The following EIF2AK3 variants were observed in gnomAD, a reference collection of about 807,000 sequenced individuals.
EIF2AK3 encodes the protein eukaryotic translation initiation factor 2 alpha kinase 3, also known as eukaryotic translation initiation factor 2-alpha kinase 3.
In EIF2AK3, 50 loss-of-function variants were observed where a neutral mutation model predicts 113.5. The ratio of observed to expected loss-of-function variants is 0.44; its 90% CI spans 0.35 to 0.56. EIF2AK3 has a LOEUF of 0.56. EIF2AK3 is among the 20% of genes least tolerant of loss of function. The probability of loss-of-function intolerance (pLI) is 0.00; values close to 1 mark genes in which losing one functional copy is unlikely to be tolerated. For synonymous variants in EIF2AK3, 448 were observed against 495.4 expected (o/e 0.90, Z 1.27); for missense variants, 1,185 against 1,378.0 (o/e 0.86, Z 2.22).
At chr2:88,572,339 T>G (rs1674334111) in intron 13 of EIF2AK3, among the ~76,000 whole-genome samples, 1 of 152,220 alleles carries the variant, frequency 6.6e-6, no homozygotes. Flanking sequence ...AGAAGTATCT[T>G]GACTTTACTT....
chr2:88,562,218 A>T (rs1673984812), intron 15 of EIF2AK3, 71 bp downstream of exon 15: 15 of 1,310,768 alleles, frequency 1.1e-5, no homozygotes, highest in Admixed American at 1.8e-5. Flanking sequence ...CTAAGTCTTT[A>T]AAAAACTCTT....
chr2:88,569,337 A>G (rs1674227994), intron 14 of EIF2AK3, among the ~76,000 whole-genome samples: 1 of 145,234 alleles, frequency 6.9e-6, no homozygotes, highest in Non-Finnish European at 1.5e-5. Flanking sequence ...ACCCCATCTC[A>G]AAAAAAAAAA....
intron 15 of EIF2AK3, among the ~76,000 whole-genome samples, chr2:88,561,307 G>C (rs1673952869): frequency 6.6e-6 from 1 of 151,240 alleles, no homozygotes; most frequent in Non-Finnish European, 1.5e-5. Flanking sequence ...TGTCACCCAG[G>C]CTGGAGTGCA....
intron 12 of EIF2AK3, 103 bp from the exon 13 acceptor site, chr2:88,575,549 T>C: frequency 8.2e-7 from 1 of 1,215,624 alleles, no homozygotes. Flanking sequence ...ATAAGGCCAC[T>C]TACCAAATGA....
chr2:88,626,078 G>T (rs879262684), intron 1 of EIF2AK3, among the ~76,000 whole-genome samples: 1 of 152,032 alleles, frequency 6.6e-6, no homozygotes, highest in Non-Finnish European at 1.5e-5. Flanking sequence ...TATAAAATGG[G>T]ACATCACTTT....
At chr2:88,601,161 A>AT in intron 2 of EIF2AK3, among the ~76,000 whole-genome samples, 1 of 152,316 alleles carries the variant, frequency 6.6e-6, no homozygotes, top group Non-Finnish European at 1.5e-5. Flanking sequence ...ATTACATCTG[A>AT]TTCTTTTCCC....
chr2:88,582,110 C>A (rs1195592369), intron 10 of EIF2AK3, among the ~76,000 whole-genome samples: 1 of 152,092 alleles, frequency 6.6e-6, no homozygotes, highest in African/African-American at 2.4e-5. Flanking sequence ...GTTCGGCAGG[C>A]CTAGAGGTCT....
Position 88,585,845 on chromosome 2 carries a change from T to C in EIF2AK3, c.1646A>G (p.His549Arg). The C allele has an allele frequency of 6.2e-7, 1 of 1,613,336 alleles. No homozygotes were observed. ...GTAAGCAACCATGATTCTTACCCTG[T>C]GAGGATGAGGATGGAAAAGCCTGCG... Reference protein sequence around the residue: ...IVRRLFHPHPHRQRKESETQC... With the variant: ...IVRRLFHPHPRRQRKESETQC... Residue 549 changes from histidine to arginine, a missense_variant, in exon 9 of 17, where the codon CAC becomes CGC. Coordinates refer to ENST00000303236, the MANE Select transcript of EIF2AK3 (RefSeq NM_004836.7).
At chr2:88,590,383 T>C (rs1044086575) in intron 6 of EIF2AK3, 60 bp downstream of exon 6, 4 of 1,571,034 alleles carry the variant, frequency 2.5e-6, no homozygotes, top group South Asian at 2.2e-5. Context: ...GAAGGAACAA[T>C]GTAAGAAGAA....
intron 11 of EIF2AK3, among the ~76,000 whole-genome samples, chr2:88,576,933 T>G (rs1218973418): frequency 6.6e-6 from 1 of 151,804 alleles, no homozygotes; most frequent in East Asian, 1.9e-4. Flanking sequence ...AATAATAAAA[T>G]AGGATCTTTT....
chr2:88,613,175 G>A (rs192091197), intron 2 of EIF2AK3, among the ~76,000 whole-genome samples: 3 of 152,280 alleles, frequency 2.0e-5, no homozygotes, highest in East Asian at 3.9e-4. Flanking sequence ...TTTTGGAAGC[G>A]AGGTCTCTTT....
chr2:88,627,286 C>G lies in EIF2AK3; in HGVS notation c.-12G>C, dbSNP rs994241706. Reference sequence around the variant, plus strand: ...ATGGCGCGCTCCATCAGCGTCCCGCCCCGCGCGCAGGCATGGAGGCGCAGC... The same window carrying G: ...ATGGCGCGCTCCATCAGCGTCCCGCGCCGCGCGCAGGCATGGAGGCGCAGC... On this transcript the variant is annotated 5_prime_UTR_variant, in exon 1 of 17. Transcript: ENST00000303236. 4 of 1,484,884 alleles carry G rather than the reference C, an allele frequency of 2.7e-6. No homozygotes were observed. The South Asian group carries it at 5.0e-5, about 19-fold the overall frequency. 92.0% of individuals were successfully genotyped at this position (1,484,884 alleles called of 1,614,324 possible). A position where few individuals can be genotyped will look rare whatever the true frequency, so the allele number is the denominator to read the frequency against.
In EIF2AK3 at chr2:88,570,435, C is replaced by T. The variant is rs1007936270; in HGVS notation, c.2985+439G>A. 2.6e-5 allele frequency among the ~76,000 whole-genome samples: 4 copies of T among 152,200 alleles called. No homozygotes were observed. The East Asian group carries it at 7.7e-4, about 29-fold the overall frequency. Reference sequence around the variant, plus strand: ...AAGCAGCCCACAAGGCAACACCTGCCGGCCTGTGTGCCTCTATTTCCTACT... The same window carrying T: ...AAGCAGCCCACAAGGCAACACCTGCTGGCCTGTGTGCCTCTATTTCCTACT... On this transcript the variant is annotated intron_variant, in intron 14 of 16. Transcript: ENST00000303236.
At chr2:88,627,502 T>C, upstream of EIF2AK3, 1 of 463,340 alleles carries the variant, frequency 2.2e-6, no homozygotes, top group Non-Finnish European at 3.5e-6. Context: ...TTTCCGCGCG[T>C]TTGCTCTCTC....
rs868486408 is a variant in EIF2AK3 at position 88,588,787 on chromosome 2, G to A, written c.1280C>T (p.Pro427Leu). ...VTNENAIIPL[P>L]TIKWKPLIHS... ...AATTAAGGGTTTCCATTTGATTGTT[G>A]GTAAAGGAATAATTGCGTTTTCATT... Residue 427 changes from proline (P) to leucine (L), a missense_variant, in exon 7 of 17, where the codon CCA becomes CTA. By Grantham distance (98) the Pro-to-Leu change is moderately conservative (BLOSUM62 -3). This residue lies in a region of EIF2AK3 where 877 missense variants were observed against 1,024.2 expected (regional missense o/e 0.86). Coordinates refer to ENST00000303236, the MANE Select transcript of EIF2AK3 (RefSeq NM_004836.7). The A allele has an allele frequency of 6.2e-7, 1 of 1,613,680 alleles. No homozygotes were observed.
intron 1 of EIF2AK3, among the ~76,000 whole-genome samples, chr2:88,619,425 T>C (rs372457352): frequency 2.6e-4 from 40 of 152,276 alleles, no homozygotes; most frequent in African/African-American, 9.1e-4. Context: ...CTGTACAGGA[T>C]TTATAGTTCA....
Position 88,557,814 on chromosome 2 carries a change from C to T in EIF2AK3, c.3273G>A (p.Arg1091=), listed in dbSNP as rs767092678. The T allele has an allele frequency of 2.5e-6, 4 of 1,614,130 alleles. 1 individual carries two copies. The South Asian group carries it at 4.4e-5, about 18-fold the overall frequency. The part of the protein sequence containing the change: ...DFPGKTVLRQ[R]SRSLSSSGTK... The stretch of plus-strand genomic sequence containing the variant: ...TTCCCGATGAACTCAAGGAGCGAGA[C>T]CTCTGTCTGAGCACTGTTTTTCCTG... Residue 1091 remains arginine (R), a synonymous_variant, in exon 17 of 17, where the codon AGG becomes AGA. Coordinates refer to ENST00000303236, the MANE Select transcript of EIF2AK3 (RefSeq NM_004836.7).
chr2:88,574,518 C>A lies in EIF2AK3; in HGVS notation c.2817+148G>T, dbSNP rs1032761918. The A allele has an allele frequency of 4.4e-6, 4 of 912,362 alleles. No homozygotes were observed. In the South Asian group the frequency reaches 6.3e-5, roughly 14 times the overall value. 56.5% of individuals were successfully genotyped at this position (912,362 alleles called of 1,614,324 possible). On this transcript the variant is annotated intron_variant, in intron 13 of 16. Transcript: ENST00000303236. The stretch of plus-strand genomic sequence containing the variant: ...TAAGACTTCTTATTCTTGCAGCAGG[C>A]CCCTTCGAGGCTACTTTCTCAGACC...
At chr2:88,580,025 GTTT>G (rs1674558056) in intron 10 of EIF2AK3, 1 of 237,610 alleles carries the variant, frequency 4.2e-6, no homozygotes, top group African/African-American at 2.4e-5. Context: ...CAGAAAATGT[GTTT>G]TTATCTTAGC....
Sources: allele counts gnomAD v4.1 joint callset (sites outside exome capture counted in the v4.1 genomes callset), GRCh38; gene constraint gnomAD v4.1.1; regional missense constraint gnomAD v4.1.1; transcripts MANE v1.5; gene names NCBI Gene and HGNC (gene_info 2026-07-23, HGNC 2026-07-21).